The following SMYD5 variants were observed in gnomAD, a reference collection of about 807,000 sequenced individuals.
SMYD5 encodes the protein protein-lysine N-trimethyltransferase SMYD5.
Under a neutral mutation model 57.4 loss-of-function variants are expected in SMYD5, and 35 were observed. That is an observed-to-expected ratio of 0.61 (90% CI 0.47 to 0.81). SMYD5 has a LOEUF of 0.81. Among genes scored for constraint, SMYD5 ranks in the 30% least tolerant of loss-of-function variants. The probability of loss-of-function intolerance (pLI) is 0.00; values close to 1 mark genes in which losing one functional copy is unlikely to be tolerated. For missense variants in SMYD5, 471 were observed against 527.9 expected, an observed-to-expected ratio of 0.89 and a Z score of 1.06; for synonymous variants, 198 against 189.7, an observed-to-expected ratio of 1.04 and a Z score of -0.36.
At chr2:73,225,095 T>G in intron 11 of SMYD5, 135 bp downstream of exon 11, 2 of 642,414 alleles carry the variant, frequency 3.1e-6, no homozygotes, top group East Asian at 5.5e-5. Flanking sequence ...CCTTAGGGTC[T>G]GAGTCTTTCA....
chr2:73,217,186 G>A (rs1185891592), intron 1 of SMYD5, among the ~76,000 whole-genome samples: 11 of 151,982 alleles, frequency 7.2e-5, no homozygotes, highest in Non-Finnish European at 1.2e-4. Flanking sequence ...TCCTGACCTC[G>A]TGATCTGTCT....
Position 73,220,726 on chromosome 2 carries a change from A to G in SMYD5, c.411A>G (p.Pro137=), listed in dbSNP as rs751530227. 6.2e-6 allele frequency: 10 copies of G among 1,614,072 alleles called. No homozygotes were observed. The South Asian group carries it at 9.9e-5, about 16-fold the overall frequency. Residue 137 remains proline (P), a synonymous_variant, in exon 4 of 13, where the codon CCA becomes CCG. Coordinates refer to ENST00000389501, the MANE Select transcript of SMYD5 (RefSeq NM_006062.3). ...AGCAATACCACCAGGTCCTGTGCCC[A>G]GGCCCCTCCCAGGATGACCCCTTGC... ...ATEQYHQVLC[P]GPSQDDPLHP...
chr2:73,214,598 G>A (rs995039380), intron 1 of SMYD5: 11 of 1,505,762 alleles, frequency 7.3e-6, no homozygotes, highest in African/African-American at 1.4e-5. Context: ...GCGGAATTCG[G>A]CCAGCCCGCG....
intron 7 of SMYD5, 87 bp downstream of exon 7, chr2:73,222,904 C>G: frequency 1.3e-6 from 2 of 1,521,978 alleles, no homozygotes; most frequent in Non-Finnish European, 1.8e-6. Context: ...ACTGGGACAG[C>G]TGAGCCAAAG....
In SMYD5 at chr2:73,220,162, A is replaced by T; in HGVS notation, c.317A>T (p.Asp106Val). The T allele has an allele frequency of 6.2e-7, 1 of 1,613,990 alleles. No homozygotes were observed. Among genetic ancestry groups the T allele is most frequent in the Non-Finnish European group, 8.5e-7 (1 of 1,180,004 alleles). ...CCAGAGCTGTGCACTGTGCGCAAAG[A>T]CCTCCACCAGAACTGTCCCCATTGC... ...PHPELCTVRK[D>V]LHQNCPHCQV... Residue 106 changes from aspartate to valine, a missense_variant, in exon 3 of 13, where the codon GAC becomes GTC. Asp to Val is a radical substitution (Grantham distance 152). Coordinates refer to ENST00000389501, the MANE Select transcript of SMYD5 (RefSeq NM_006062.3).
intron 1 of SMYD5, among the ~76,000 whole-genome samples, chr2:73,217,982 T>C (rs1686319622): frequency 6.6e-6 from 1 of 152,192 alleles, no homozygotes; most frequent in South Asian, 2.1e-4. Flanking sequence ...CAAACTAACA[T>C]GCATATGAAT....
Position 73,223,936 on chromosome 2 carries a change from CTG to C in SMYD5, c.884-9_884-8del, listed in dbSNP as rs1558553304. 2 of 1,613,002 alleles carry C rather than the reference CTG, an allele frequency of 1.2e-6. No individual in the cohort carries two copies. The highest frequency in any genetic ancestry group is 2.2e-5 in the South Asian group (2 of 91,052). ...TGGGTAGAATAATGTGTGTGTATTA[CTG>C]TCTTACAGCAACTGGAGAGTTTCTT... On this transcript the variant is annotated splice_polypyrimidine_tract_variant and intron_variant, in intron 9 of 12. Coordinates refer to ENST00000389501, the MANE Select transcript of SMYD5 (RefSeq NM_006062.3).
chr2:73,219,904 C>A, intron 2 of SMYD5, 147 bp from the exon 3 acceptor site: 1 of 917,400 alleles, frequency 1.1e-6, no homozygotes, highest in Non-Finnish European at 1.8e-6. Flanking sequence ...TTCATCCATG[C>A]ATGTAATTAT....
chr2:73,222,699 G>C, intron 6 of SMYD5, 56 bp from the exon 7 acceptor site: 1 of 1,498,030 alleles, frequency 6.7e-7, no homozygotes, highest in Non-Finnish European at 9.2e-7. Context: ...GCCCTGCCTG[G>C]GTGCTAATGG....
Position 73,224,847 on chromosome 2 carries a change from C to T in SMYD5, c.941-19C>T. 1 of 1,577,974 alleles carries T rather than the reference C, an allele frequency of 6.3e-7. No individual in the cohort carries two copies. The highest frequency in any genetic ancestry group is 8.7e-7 in the Non-Finnish European group (1 of 1,149,740). On this transcript the variant is annotated intron_variant, in intron 10 of 12. Coordinates refer to ENST00000389501, the MANE Select transcript of SMYD5 (RefSeq NM_006062.3). ...TTTTTTTAGTCAATAATCCTCATTACCTGCCTCTTATGATCCAGGCAACCA... is the reference window on the plus strand; with the variant it reads ...TTTTTTTAGTCAATAATCCTCATTATCTGCCTCTTATGATCCAGGCAACCA...
intron 1 of SMYD5, chr2:73,214,615 C>T (rs1686257816): frequency 2.5e-5 from 37 of 1,508,882 alleles, no homozygotes; most frequent in Non-Finnish European, 3.3e-5. Flanking sequence ...CGCGGGAGGC[C>T]CTTCTGTGGC....
intron 1 of SMYD5, among the ~76,000 whole-genome samples, chr2:73,216,994 C>T (rs778646560): frequency 6.6e-6 from 1 of 151,898 alleles, no homozygotes; most frequent in Non-Finnish European, 1.5e-5. Flanking sequence ...CTCTGTTGCC[C>T]AGGCTATAGT....
chr2:73,226,100 C>G lies in SMYD5; in HGVS notation c.*154C>G. ...AGAGGGTAGGAGAGAGCCTGGATCT[C>G]TGGCCCCAACCCCCACCAGACCTCA... On this transcript the variant is annotated 3_prime_UTR_variant, in exon 13 of 13. Coordinates refer to ENST00000389501, the MANE Select transcript of SMYD5 (RefSeq NM_006062.3). 3.7e-6 allele frequency: 4 copies of G among 1,075,874 alleles called. No individual in the cohort carries two copies. The highest frequency in any genetic ancestry group is 5.2e-6 in the Non-Finnish European group (4 of 769,730). 66.6% of individuals were successfully genotyped at this position (1,075,874 alleles called of 1,614,324 possible).
chr2:73,226,136 A>G lies in SMYD5; in HGVS notation c.*190A>G, dbSNP rs925884650. On this transcript the variant is annotated 3_prime_UTR_variant, in exon 13 of 13. Transcript: ENST00000389501. ...CCCCACCAGACCTCATGCCCTGGAC[A>G]CTGCTGCTGAGTTGGCTCAGACTCT... is the stretch of plus-strand genomic sequence containing the variant. 4 of 751,232 alleles carry G rather than the reference A, an allele frequency of 5.3e-6. No homozygotes were observed. Among genetic ancestry groups the G allele is most frequent in the African/African-American group, 1.8e-5 (1 of 56,556 alleles). The allele number at this position is 751,232 out of a possible 1,614,324, so 46.5% of individuals were successfully genotyped here. A position where few individuals can be genotyped will look rare whatever the true frequency, so the allele number is the denominator to read the frequency against.
intron 11 of SMYD5, chr2:73,225,368 A>G (rs1367825009): frequency 1.6e-5 from 9 of 567,412 alleles, no homozygotes; most frequent in Middle Eastern, 4.7e-4. Context: ...CCAGCTGCAG[A>G]CCTTGGCCAT....
At chr2:73,224,548 G>C (rs1437902956) in intron 10 of SMYD5, among the ~76,000 whole-genome samples, 1 of 152,198 alleles carries the variant, frequency 6.6e-6, no homozygotes, top group Non-Finnish European at 1.5e-5. Context: ...TCCAATAGCA[G>C]GCAGAACTGA....
At position 73,226,110 on chromosome 2, in the gene SMYD5, C is replaced by T. The variant is rs1558553990; in HGVS notation, c.*164C>T. ...AGAGAGCCTGGATCTCTGGCCCCAA[C>T]CCCCACCAGACCTCATGCCCTGGAC... On this transcript the variant is annotated 3_prime_UTR_variant, in exon 13 of 13. Transcript: ENST00000389501. 1.0e-6 allele frequency: 1 copy of T among 958,850 alleles called. No homozygotes were observed. Among genetic ancestry groups the T allele is most frequent in the Non-Finnish European group, 1.5e-6 (1 of 663,922 alleles). 59.4% of individuals were successfully genotyped at this position (958,850 alleles called of 1,614,324 possible).
At position 73,221,196 on chromosome 2, in the gene SMYD5, A is replaced by G. The variant is rs747606301; in HGVS notation, c.499A>G (p.Ile167Val). The G allele has an allele frequency of 6.2e-7, 1 of 1,614,010 alleles. No individual in the cohort carries two copies. Among genetic ancestry groups the G allele is most frequent in the Non-Finnish European group, 8.5e-7 (1 of 1,179,998 alleles). The change falls in exon 5 of 13, where the codon ATC becomes GTC. Residue 167 changes from isoleucine to valine, a missense_variant. Transcript: ENST00000389501. ...SIHYPPETASIMLMARMVATV... is the reference protein window; with the variant it reads ...SIHYPPETASVMLMARMVATV... ...TCACTACCCACCTGAGACTGCAAGC[A>G]TCATGTTGATGGCTAGGATGGTGGC...
intron 1 of SMYD5, among the ~76,000 whole-genome samples, chr2:73,216,716 T>C (rs1394676246): frequency 2.0e-5 from 3 of 151,978 alleles, no homozygotes; most frequent in African/African-American, 7.2e-5. Context: ...CAAAAATCTA[T>C]TACATAGTCT....
Sources: allele counts gnomAD v4.1 joint callset (sites outside exome capture counted in the v4.1 genomes callset), GRCh38; gene constraint gnomAD v4.1.1; transcripts MANE v1.5; gene names NCBI Gene and HGNC (gene_info 2026-07-23, HGNC 2026-07-21).